Variants in PI4KA observed in about 807,000 individuals in gnomAD.
PI4KA encodes PI4-kinase alpha.
A neutral mutation model predicts 271.4 loss-of-function variants in PI4KA; 122 were observed. The observed-to-expected ratio is 0.45, with a 90% confidence interval of 0.39 to 0.52. The LOEUF is 0.52. Among genes scored for constraint, PI4KA ranks in the 20% least tolerant of loss-of-function variants. The probability of loss-of-function intolerance (pLI) is 0.00; values close to 1 mark genes in which losing one functional copy is unlikely to be tolerated. For missense variants in PI4KA, 1,969 were observed against 2,769.1 expected, an observed-to-expected ratio of 0.71 and a Z score of 6.48; for synonymous variants, 1,041 against 1,078.8, an observed-to-expected ratio of 0.96 and a Z score of 0.69.
chr22:20,734,025 C>T lies in PI4KA; in HGVS notation c.4052+18G>A, dbSNP rs1568967360. The T allele has an allele frequency of 6.4e-7, 1 of 1,562,044 alleles. No individual in the cohort carries two copies. Among genetic ancestry groups the T allele is most frequent in the South Asian group, 1.2e-5 (1 of 84,684 alleles). On this transcript the variant is annotated intron_variant, in intron 34 of 54. Coordinates refer to ENST00000255882, the MANE Select transcript of PI4KA (RefSeq NM_058004.4). ...TACACACCAGGGGCCCTGTGCTCCC[C>T]AGGAAGAGGGCCCTCACTTGAAGCG... is the stretch of plus-strand genomic sequence containing the variant.
chr22:20,722,773 T>C (rs150628448), intron 42 of PI4KA, among the ~76,000 whole-genome samples: 1 of 152,334 alleles, frequency 6.6e-6, no homozygotes, highest in African/African-American at 2.4e-5. Context: ...ATGGACATTT[T>C]TGACCTGGGT....
chr22:20,758,424 T>A (rs1931564392), intron 23 of PI4KA, among the ~76,000 whole-genome samples: 1 of 148,240 alleles, frequency 6.7e-6, no homozygotes. Context: ...CTTAAAATAT[T>A]ATAAGATTTT....
intron 36 of PI4KA, among the ~76,000 whole-genome samples, chr22:20,732,645 T>C (rs1270222509): frequency 1.3e-5 from 2 of 152,240 alleles, no homozygotes; most frequent in Non-Finnish European, 2.9e-5. Flanking sequence ...CCCAGTCATG[T>C]GGGTGTGCAC....
chr22:20,745,560 A>C (rs1929957279), intron 29 of PI4KA, among the ~76,000 whole-genome samples: 1 of 152,188 alleles, frequency 6.6e-6, no homozygotes, highest in South Asian at 2.1e-4. Flanking sequence ...AATATAAACA[A>C]GAACAAAAAT....
At chr22:20,712,420 G>C (rs1925412544) in intron 50 of PI4KA, 66 bp downstream of exon 50, 14 of 1,588,232 alleles carry the variant, frequency 8.8e-6, no homozygotes, top group African/African-American at 4.0e-5. Flanking sequence ...GTGGAGGCTG[G>C]GTATGGGTGG....
At chr22:20,770,546 ATC>A in intron 19 of PI4KA, among the ~76,000 whole-genome samples, 2 of 138,870 alleles carry the variant, frequency 1.4e-5, no homozygotes, top group Middle Eastern at 7.6e-3. Context: ...AGAGAGAGAG[ATC>A]GGTTTTGCTA....
At chr22:20,797,091 T>C (rs529030732) in intron 17 of PI4KA, among the ~76,000 whole-genome samples, 1 of 152,300 alleles carries the variant, frequency 6.6e-6, no homozygotes, top group East Asian at 1.9e-4. Flanking sequence ...CGTGAAGCAC[T>C]AAGCATGTCG....
intron 19 of PI4KA, chr22:20,779,558 G>A (rs1055354412): frequency 6.2e-7 from 1 of 1,614,076 alleles, no homozygotes; most frequent in Non-Finnish European, 8.5e-7. Flanking sequence ...ATCTGGACCT[G>A]GAGAAGATAT....
At position 20,776,321 on chromosome 22, in the gene PI4KA, C is replaced by T. The variant is rs115761959; in HGVS notation, c.2329-10628G>A. Among the ~76,000 whole-genome samples, 462 of 152,058 alleles carry T rather than the reference C, an allele frequency of 3.0e-3. 2 individuals carry two copies. Among genetic ancestry groups the T allele is most frequent in the African/African-American group, 0.011 (443 of 41,452 alleles). ...CCTGGGTGACAGAGTGAGACCCCGCCGTCTCAAAATAAAAATAAAAAGAAA... is the reference window on the plus strand; with the variant it reads ...CCTGGGTGACAGAGTGAGACCCCGCTGTCTCAAAATAAAAATAAAAAGAAA... On this transcript the variant is annotated intron_variant, in intron 19 of 54. Transcript: ENST00000255882.
chr22:20,825,406 C>A (rs1329643273), intron 3 of PI4KA, among the ~76,000 whole-genome samples: 1 of 152,118 alleles, frequency 6.6e-6, no homozygotes, highest in Non-Finnish European at 1.5e-5. Flanking sequence ...ACCAGCCCAG[C>A]CAACATGGCA....
chr22:20,819,815 G>A lies in PI4KA; in HGVS notation c.615C>T (p.Leu205=), dbSNP rs764364365. 4.3e-6 allele frequency: 7 copies of A among 1,614,126 alleles called. No individual in the cohort carries two copies. In the Admixed American group the frequency reaches 5.0e-5, roughly 12 times the overall value. ...GAGGGATTTTGGGAAAGAGCTTTGAGAGGAGAGACTCTTCCATGTTGCTGT... is the reference window on the plus strand; with the variant it reads ...GAGGGATTTTGGGAAAGAGCTTTGAAAGGAGAGACTCTTCCATGTTGCTGT... ...GRYSNMEESL[L]SKLFPKIPPH... is the part of the protein sequence containing the mutation. The change falls in exon 6 of 55, where the codon CTC becomes CTT. Residue 205 remains leucine (L), a synonymous_variant. Transcript: ENST00000255882.
rs149197380 is a variant in PI4KA at position 20,714,816 on chromosome 22, G to A, written c.5318-116C>T. ...CACCCTGCAGGCACACCCCGCCCCT[G>A]TGGAGGGGCCTCTGGTCCTTGTCCA... is the stretch of plus-strand genomic sequence containing the variant. On this transcript the variant is annotated intron_variant, in intron 45 of 54. Transcript: ENST00000255882. 10,037 of 1,220,552 alleles carry A rather than the reference G, an allele frequency of 8.2e-3. 55 individuals carry two copies. Among genetic ancestry groups the A allele is most frequent in the Non-Finnish European group, 0.01 (9,149 of 877,272 alleles). 75.6% of individuals were successfully genotyped at this position (1,220,552 alleles called of 1,614,324 possible). A position where few individuals can be genotyped will look rare whatever the true frequency, so the allele number is the denominator to read the frequency against.
At chr22:20,838,169 T>C (rs1047978294) in intron 2 of PI4KA, among the ~76,000 whole-genome samples, 13 of 151,694 alleles carry the variant, frequency 8.6e-5, no homozygotes, top group Admixed American at 5.9e-4. Flanking sequence ...AAAGTTTATA[T>C]ACATAATCGC....
intron 22 of PI4KA, chr22:20,764,602 G>T: frequency 2.0e-6 from 1 of 509,952 alleles, no homozygotes; most frequent in South Asian, 2.8e-5. Flanking sequence ...AAGATGATGC[G>T]GAGCTTAGAT....
chr22:20,727,940 G>C lies in PI4KA; in HGVS notation c.4683-76C>G, dbSNP rs1927565616. 1.4e-5 allele frequency: 15 copies of C among 1,043,242 alleles called. No individual in the cohort carries two copies. In the South Asian group the frequency reaches 2.0e-4, roughly 14 times the overall value. The allele number at this position is 1,043,242 out of a possible 1,614,324, so 64.6% of individuals were successfully genotyped here. A position where few individuals can be genotyped will look rare whatever the true frequency, so the allele number is the denominator to read the frequency against. On this transcript the variant is annotated intron_variant, in intron 39 of 54. Transcript: ENST00000255882. Reference sequence around the variant, plus strand: ...CTCTCCCACCACACTGGAGTGAGGGGAGCCAGGGGGAAACACTGAACTGGA... The same window carrying C: ...CTCTCCCACCACACTGGAGTGAGGGCAGCCAGGGGGAAACACTGAACTGGA...
At chr22:20,766,213 C>T (rs1932509969) in intron 19 of PI4KA, among the ~76,000 whole-genome samples, 1 of 151,890 alleles carries the variant, frequency 6.6e-6, no homozygotes, top group Admixed American at 6.6e-5. Context: ...TCTCATGGGC[C>T]AGGCAGCACA....
At chr22:20,830,740 T>TGACA (rs1924048436) in intron 3 of PI4KA, among the ~76,000 whole-genome samples, 1 of 152,176 alleles carries the variant, frequency 6.6e-6, no homozygotes, top group Non-Finnish European at 1.5e-5. Flanking sequence ...GTGTCACTAG[T>TGACA]CTAGGTACTT....
At chr22:20,719,065 T>C (rs1487639192) in intron 43 of PI4KA, among the ~76,000 whole-genome samples, 1 of 152,046 alleles carries the variant, frequency 6.6e-6, no homozygotes, top group Non-Finnish European at 1.5e-5. Flanking sequence ...GGACGTGGAA[T>C]CCTCACTGCT....
chr22:20,732,568 A>G (rs1928205927), intron 36 of PI4KA, among the ~76,000 whole-genome samples: 1 of 152,182 alleles, frequency 6.6e-6, no homozygotes. Context: ...GAGTGCTCCC[A>G]TAGTTCCCTC....
Sources: gnomAD v4.1 joint callset for allele counts (sites outside exome capture counted in the v4.1 genomes callset) on GRCh38, gnomAD v4.1.1 for gene constraint, MANE v1.5 for transcripts, NCBI Gene and HGNC (gene_info 2026-07-23, HGNC 2026-07-21) for gene names.